Variants in PTGES3 observed in about 807,000 individuals in gnomAD.
PTGES3 encodes prostaglandin E synthase 3, also known as Hsp90 co-chaperone.
PTGES3 carries 5 observed loss-of-function variants against 29.9 expected under a neutral mutation model. The ratio of observed to expected loss-of-function variants is 0.17; its 90% confidence interval spans 0.09 to 0.35. The LOEUF is 0.35. Among genes scored for constraint, PTGES3 ranks in the 10% least tolerant of loss-of-function variants. The pLI is 1.00. For missense variants in PTGES3, 128 were observed against 190.0 expected (o/e 0.67, Z 1.92); for synonymous variants, 49 against 57.8 (o/e 0.85, Z 0.69).
intron 1 of PTGES3, among the ~76,000 whole-genome samples, chr12:56,678,929 C>T (rs1952394944): frequency 6.6e-6 from 1 of 152,022 alleles, no homozygotes; most frequent in South Asian, 2.1e-4. Flanking sequence ...CCAGCCTGGG[C>T]AACACTGCGA....
chr12:56,670,674 C>T (rs987403959), intron 4 of PTGES3: 7 of 233,000 alleles, frequency 3.0e-5, no homozygotes, highest in Non-Finnish European at 5.1e-5. Context: ...CAGACTTGGG[C>T]GCAAGTATTT....
chr12:56,685,952 T>G (rs1020848796), intron 1 of PTGES3, among the ~76,000 whole-genome samples: 1 of 151,710 alleles, frequency 6.6e-6, no homozygotes, highest in South Asian at 2.1e-4. Flanking sequence ...AGTTTTTGTA[T>G]TTTTAGTAGA....
chr12:56,670,675 G>A (rs747819561), intron 4 of PTGES3: 24 of 232,844 alleles, frequency 1.0e-4, no homozygotes, highest in Non-Finnish European at 1.7e-4. Flanking sequence ...AGACTTGGGC[G>A]CAAGTATTTC....
chr12:56,684,072 CTAGAG>C (rs1479459875), intron 1 of PTGES3, among the ~76,000 whole-genome samples: 3 of 152,012 alleles, frequency 2.0e-5, no homozygotes, highest in South Asian at 2.1e-4. Context: ...AATATGCTCA[CTAGAG>C]TATTTTTTGA....
chr12:56,683,854 G>A (rs1463556175), intron 1 of PTGES3, among the ~76,000 whole-genome samples: 7 of 147,692 alleles, frequency 4.7e-5, no homozygotes, highest in East Asian at 2.1e-4. Context: ...AGCTACTCGG[G>A]AGGCTGAGGC....
At chr12:56,678,322 C>T (rs1449114011) in intron 1 of PTGES3, among the ~76,000 whole-genome samples, 17 of 152,040 alleles carry the variant, frequency 1.1e-4, no homozygotes, top group African/African-American at 3.1e-4. Flanking sequence ...GGATTACAGG[C>T]GCCCGCCACC....
Position 56,670,058 on chromosome 12 carries a change from T to G in PTGES3, c.375+217A>C, listed in dbSNP as rs554653629. ...AATGCATTAACTTTTGTAACTTTTG[T>G]AGCTAACACTAATTCCTTTTAAAAT... On this transcript the variant is annotated intron_variant, in intron 5 of 7. Coordinates refer to ENST00000262033, the MANE Select transcript of PTGES3 (RefSeq NM_006601.7). 1.2e-4 allele frequency among the ~76,000 whole-genome samples: 18 copies of G among 152,270 alleles called. 3 individuals are homozygous for G. The East Asian group carries it at 3.5e-3, about 29-fold the overall frequency.
chr12:56,677,474 A>G (rs897447301), intron 1 of PTGES3, among the ~76,000 whole-genome samples: 19 of 152,300 alleles, frequency 1.2e-4, no homozygotes, highest in East Asian at 7.7e-4. Flanking sequence ...TCCAAGCAAC[A>G]TAACTATATT....
At chr12:56,670,044 T>G in intron 5 of PTGES3, among the ~76,000 whole-genome samples, 1 of 151,660 alleles carries the variant, frequency 6.6e-6, no homozygotes, top group Non-Finnish European at 1.5e-5. Context: ...ATGCATTAAC[T>G]TTTGTAACTT....
chr12:56,688,171 G>C lies in PTGES3; in HGVS notation c.-172C>G, dbSNP rs1033784306. On this transcript the variant is annotated 5_prime_UTR_variant, in exon 1 of 8. Coordinates refer to ENST00000262033, the MANE Select transcript of PTGES3 (RefSeq NM_006601.7). Reference sequence around the variant, plus strand: ...GCGGCGGGCTCGACCTCGGGCCCCAGAATGCACCGCGCGGAAAGAGCGGCT... The same window carrying C: ...GCGGCGGGCTCGACCTCGGGCCCCACAATGCACCGCGCGGAAAGAGCGGCT... The C allele has an allele frequency of 1.3e-5, 16 of 1,215,560 alleles. No homozygotes were observed. The highest frequency in any genetic ancestry group is 3.0e-4 in the Middle Eastern group (1 of 3,356). The allele number at this position is 1,215,560 out of a possible 1,614,324, so 75.3% of individuals were successfully genotyped here.
At chr12:56,674,613 T>C (rs1221084481) in intron 1 of PTGES3, among the ~76,000 whole-genome samples, 2 of 151,636 alleles carry the variant, frequency 1.3e-5, no homozygotes, top group Non-Finnish European at 2.9e-5. Flanking sequence ...GATCACAATG[T>C]CAGGAGATTG....
chr12:56,681,731 T>C (rs541700862), intron 1 of PTGES3, among the ~76,000 whole-genome samples: 171 of 150,924 alleles, frequency 1.1e-3, no homozygotes, highest in African/African-American at 4.0e-3. Flanking sequence ...GGCATGCGCC[T>C]GTAATCCCAG....
chr12:56,684,808 T>C (rs887604680), intron 1 of PTGES3, among the ~76,000 whole-genome samples: 6 of 152,190 alleles, frequency 3.9e-5, no homozygotes, highest in Non-Finnish European at 8.8e-5. Flanking sequence ...AATTAAGAGC[T>C]TTTATGTAAA....
At chr12:56,677,193 A>G (rs1448383372) in intron 1 of PTGES3, among the ~76,000 whole-genome samples, 1 of 150,986 alleles carries the variant, frequency 6.6e-6, no homozygotes, top group African/African-American at 2.4e-5. Context: ...TAAGCCAGAT[A>G]GCGCCACTGC....
intron 1 of PTGES3, among the ~76,000 whole-genome samples, chr12:56,678,408 C>G (rs1952368699): frequency 6.6e-6 from 1 of 152,146 alleles, no homozygotes; most frequent in African/African-American, 2.4e-5. Context: ...AACTCCTGAC[C>G]TCAGGTGAGC....
intron 1 of PTGES3, among the ~76,000 whole-genome samples, chr12:56,676,715 T>A (rs1482000493): frequency 1.3e-5 from 2 of 151,752 alleles, no homozygotes; most frequent in Non-Finnish European, 2.9e-5. Context: ...GGCAGGTAAA[T>A]CACTTGAAGT....
rs58270146 is a variant in PTGES3 at position 56,675,521 on chromosome 12, CAAAAAAA to C, written c.3-2463_3-2457del. ...TCTAGCCTAGGCAACAGAATGAGAC[CAAAAAAA>C]AAAAAAAAAAAAATGTGAATGAGAT... On this transcript the variant is annotated intron_variant, in intron 1 of 7. Coordinates refer to ENST00000262033, the MANE Select transcript of PTGES3 (RefSeq NM_006601.7). Among the ~76,000 whole-genome samples, 324 of 92,034 alleles carry C rather than the reference CAAAAAAA, an allele frequency of 3.5e-3. 1 individual carries two copies. The highest frequency in any genetic ancestry group is 6.5e-3 in the Non-Finnish European group (261 of 40,210). The allele number at this position is 92,034 out of a possible 152,430, so 60.4% of individuals were successfully genotyped here.
At chr12:56,673,486 A>G (rs1374541250) in intron 1 of PTGES3, among the ~76,000 whole-genome samples, 14 of 103,432 alleles carry the variant, frequency 1.4e-4, no homozygotes, top group African/African-American at 7.5e-4. Context: ...ACAAATACGG[A>G]AAAAAAAAAA....
intron 1 of PTGES3, among the ~76,000 whole-genome samples, chr12:56,675,353 A>G (rs1018604051): frequency 2.6e-5 from 4 of 152,000 alleles, no homozygotes; most frequent in Admixed American, 6.6e-5. Flanking sequence ...CTATATGATC[A>G]TGTCCCAGAT....
Sources: allele counts gnomAD v4.1 joint callset (sites outside exome capture counted in the v4.1 genomes callset), GRCh38; gene constraint gnomAD v4.1.1; transcripts MANE v1.5; gene names NCBI Gene and HGNC (gene_info 2026-07-23, HGNC 2026-07-21).